Variants in ARHGEF10L observed in about 807,000 individuals in gnomAD.
The protein encoded by ARHGEF10L is Rho guanine nucleotide exchange factor 10 like.
In ARHGEF10L, 69 loss-of-function variants were observed where a neutral mutation model predicts 141.2. That is an observed-to-expected ratio of 0.49 (90% confidence interval 0.40 to 0.60). The LOEUF is 0.60. Among genes scored for constraint, ARHGEF10L ranks in the 20% least tolerant of loss-of-function variants. The pLI is 0.00. For missense variants in ARHGEF10L, 1,482 were observed against 1,734.3 expected (o/e 0.85, Z 2.58); for synonymous variants, 711 against 718.5 (o/e 0.99, Z 0.17).
At chr1:17,590,546 A>T (rs2079442230) in intron 4 of ARHGEF10L, among the ~76,000 whole-genome samples, 1 of 151,920 alleles carries the variant, frequency 6.6e-6, no homozygotes, top group Non-Finnish European at 1.5e-5. Context: ...GGACTTTTTG[A>T]TTTTTTGGAG....
the ARHGEF10L span, among the ~76,000 whole-genome samples, chr1:17,524,421 A>ACACACACACACACAC: frequency 7.1e-6 from 1 of 140,796 alleles, no homozygotes; most frequent in Non-Finnish European, 1.5e-5. Flanking sequence ...ACACACACAC[A>ACACACACACACACAC]AAATTAGCCT....
intron 26 of ARHGEF10L, among the ~76,000 whole-genome samples, chr1:17,670,203 G>A (rs969229273): frequency 6.6e-6 from 1 of 152,252 alleles, no homozygotes; most frequent in African/African-American, 2.4e-5. Context: ...TGGACTCTGC[G>A]CCTTGTCCAG....
chr1:17,600,730 C>T (rs2080571324), intron 4 of ARHGEF10L, among the ~76,000 whole-genome samples: 1 of 152,116 alleles, frequency 6.6e-6, no homozygotes, highest in Non-Finnish European at 1.5e-5. Flanking sequence ...CTCAGTCTTT[C>T]CTTGATTTCC....
At chr1:17,582,715 C>A (rs2078679905) in intron 2 of ARHGEF10L, among the ~76,000 whole-genome samples, 3 of 151,650 alleles carry the variant, frequency 2.0e-5, no homozygotes, top group Non-Finnish European at 1.5e-5. Flanking sequence ...AGAGCCCCAG[C>A]CCCTTCCTCT....
At position 17,639,652 on chromosome 1, in the gene ARHGEF10L, C is replaced by A; in HGVS notation, c.2172-550C>A. ...CAAAGGGCTGGGAAGGCCCCCACTG[C>A]TCTGAGGTGAGAGGACAGCGTGGTG... On this transcript the variant is annotated intron_variant, in intron 20 of 28. Transcript: ENST00000361221. This position sits in a 1 kb window ranked among gnomAD's most constrained non-coding sequence, Gnocchi z 4.3. 2.5e-6 allele frequency: 1 copy of A among 403,908 alleles called. No homozygotes were observed. Among genetic ancestry groups the A allele is most frequent in the Non-Finnish European group, 4.9e-6 (1 of 204,326 alleles). 25.0% of individuals were successfully genotyped at this position (403,908 alleles called of 1,614,324 possible).
chr1:17,537,924 G>A (rs1351082432), upstream of ARHGEF10L, among the ~76,000 whole-genome samples: 2 of 150,446 alleles, frequency 1.3e-5, no homozygotes, highest in Non-Finnish European at 3.0e-5. Flanking sequence ...TGGCAATATA[G>A]GCACTACAGG....
chr1:17,570,522 G>A (rs1278218858), intron 1 of ARHGEF10L, among the ~76,000 whole-genome samples: 1 of 151,832 alleles, frequency 6.6e-6, no homozygotes, highest in Non-Finnish European at 1.5e-5. Flanking sequence ...GTGGAGAGAG[G>A]TAGGACATGA....
At chr1:17,676,852 T>C (rs1400568213) in intron 26 of ARHGEF10L, among the ~76,000 whole-genome samples, 2 of 151,800 alleles carry the variant, frequency 1.3e-5, no homozygotes, top group Non-Finnish European at 2.9e-5. Context: ...ACTCTCAGGC[T>C]GTCTTCTGAT....
At chr1:17,580,761 T>C (rs1570590699) in intron 2 of ARHGEF10L, 129 bp downstream of exon 2, 1 of 1,090,904 alleles carries the variant, frequency 9.2e-7, no homozygotes, top group African/African-American at 1.6e-5. Flanking sequence ...CTGCTGGCCC[T>C]GCCTGGGCCG....
chr1:17,675,324 G>T (rs1030790590), intron 26 of ARHGEF10L, among the ~76,000 whole-genome samples: 3 of 152,188 alleles, frequency 2.0e-5, no homozygotes, highest in Non-Finnish European at 2.9e-5. Context: ...CCACCTCCCC[G>T]CACTGTCACC....
At chr1:17,565,780 G>A (rs1021010123) in intron 1 of ARHGEF10L, among the ~76,000 whole-genome samples, 8 of 152,276 alleles carry the variant, frequency 5.3e-5, no homozygotes, top group African/African-American at 1.7e-4. Flanking sequence ...TACCAGGACC[G>A]TGGCTGGGCA....
At chr1:17,534,736 T>C (rs2100554751), upstream of ARHGEF10L, among the ~76,000 whole-genome samples, 1 of 151,506 alleles carries the variant, frequency 6.6e-6, no homozygotes, top group Middle Eastern at 3.4e-3. Flanking sequence ...ATTGCAGGCA[T>C]GTGCCACCAT....
chr1:17,643,563 C>T (rs1003538946), intron 21 of ARHGEF10L, among the ~76,000 whole-genome samples: 23 of 152,158 alleles, frequency 1.5e-4, no homozygotes, highest in African/African-American at 5.3e-4. Context: ...AGGGGTGGTC[C>T]TCAGCACCAT....
chr1:17,645,715 G>A lies in ARHGEF10L; in HGVS notation c.2273-2839G>A, dbSNP rs551709617. On this transcript the variant is annotated intron_variant, in intron 21 of 28. Transcript: ENST00000361221. ...GAGGCTAGGAGAGCCGTGCTGCCCCGGGACAAGGTGCGTCGCAGGCACCGT... is the reference window on the plus strand; with the variant it reads ...GAGGCTAGGAGAGCCGTGCTGCCCCAGGACAAGGTGCGTCGCAGGCACCGT... Among the ~76,000 whole-genome samples the A allele has an allele frequency of 1.8e-4, 27 of 152,320 alleles. No homozygotes were observed. In the South Asian group the frequency reaches 5.6e-3, roughly 32 times the overall value.
At chr1:17,664,616 T>C (rs757482868) in intron 26 of ARHGEF10L, 21 bp downstream of exon 26, 2 of 1,512,294 alleles carry the variant, frequency 1.3e-6, no homozygotes, top group South Asian at 1.3e-5. Flanking sequence ...ATCCTTTGGC[T>C]TGTGGCCCTG....
intron 20 of ARHGEF10L, 59 bp downstream of exon 20, chr1:17,638,748 A>G (rs1426062378): frequency 3.7e-6 from 6 of 1,605,684 alleles, no homozygotes; most frequent in Non-Finnish European, 5.1e-6. Flanking sequence ...CCAGTGGAGC[A>G]GGGGATCCGG....
intron 2 of ARHGEF10L, among the ~76,000 whole-genome samples, chr1:17,582,846 T>A (rs1322811131): frequency 6.6e-6 from 1 of 152,086 alleles, no homozygotes; most frequent in Non-Finnish European, 1.5e-5. Context: ...GACTGTGTCT[T>A]ACCTTTCCTT....
chr1:17,697,828 C>A lies in ARHGEF10L; in HGVS notation c.*448C>A. The A allele has an allele frequency of 4.1e-6, 1 of 241,146 alleles. No individual in the cohort carries two copies. The highest frequency in any genetic ancestry group is 4.5e-5 in the Admixed American group (1 of 22,392). The allele number at this position is 241,146 out of a possible 1,614,324, so 14.9% of individuals were successfully genotyped here. A position where few individuals can be genotyped will look rare whatever the true frequency, so the allele number is the denominator to read the frequency against. On this transcript the variant is annotated 3_prime_UTR_variant, in exon 29 of 29. Transcript: ENST00000361221. The surrounding 1 kb of genome is among the most constrained non-coding windows in gnomAD (Gnocchi z 4.8). ...TAAATAAAGTCTGTACATATTGGAG[C>A]TCTGGGAGATGCTGGAATAAAAGAC...
the ARHGEF10L span, among the ~76,000 whole-genome samples, chr1:17,526,226 G>A: frequency 3.3e-5 from 5 of 152,308 alleles, no homozygotes; most frequent in Non-Finnish European, 7.3e-5. Context: ...GGGAGCACAG[G>A]AATGCAGGGG....
Sources: allele counts gnomAD v4.1 joint callset (sites outside exome capture counted in the v4.1 genomes callset), GRCh38; gene constraint gnomAD v4.1.1; non-coding constraint Gnocchi (gnomAD v3.1); transcripts MANE v1.5; gene names NCBI Gene and HGNC (gene_info 2026-07-23, HGNC 2026-07-21).